The following BCL2L11 variants were observed in gnomAD, a reference collection of about 807,000 sequenced individuals.
BCL2L11 encodes BCL2 like 11.
A neutral mutation model predicts 20.6 loss-of-function variants in BCL2L11; 15 were observed. That is an observed-to-expected ratio of 0.73 (90% CI 0.49 to 1.12). The LOEUF (loss-of-function observed/expected upper bound fraction) is 1.12, where lower values mean the gene tolerates loss of function less well. BCL2L11 is among the 50% of genes most tolerant of loss of function. The pLI, the probability that BCL2L11 is intolerant of heterozygous loss-of-function variation, is 0.00. For missense variants in BCL2L11, 292 were observed against 260.9 expected (o/e 1.12, Z -0.82); for synonymous variants, 108 against 92.8 (o/e 1.16, Z -0.94).
intron 3 of BCL2L11, among the ~76,000 whole-genome samples, chr2:111,159,202 G>A (rs972894104): frequency 3.9e-5 from 6 of 152,208 alleles, no homozygotes; most frequent in Non-Finnish European, 5.9e-5. Context: ...GAAAGCCCTC[G>A]TTTAACTTCT....
chr2:111,161,671 G>A, intron 3 of BCL2L11: 1 of 1,181,026 alleles, frequency 8.5e-7, no homozygotes, highest in Non-Finnish European at 1.1e-6. Context: ...GCAATACAGG[G>A]ATTGTCATCT....
intron 2 of BCL2L11, among the ~76,000 whole-genome samples, chr2:111,148,933 G>A (rs1877331): frequency 0.58 from 87,996 of 152,126 alleles, 26,935 homozygotes; most frequent in African/African-American, 0.77. Flanking sequence ...CAAAAATAAA[G>A]ACAGGAAGTT....
chr2:111,161,672 A>AG, intron 3 of BCL2L11: 4 of 1,156,850 alleles, frequency 3.5e-6, no homozygotes, highest in South Asian at 1.6e-5. Context: ...CAATACAGGG[A>AG]TTGTCATCTT....
At chr2:111,144,593 A>C in intron 2 of BCL2L11, 1 of 1,453,202 alleles carries the variant, frequency 6.9e-7, no homozygotes, top group Non-Finnish European at 9.4e-7. Context: ...GATAACTCTG[A>C]ATTTAGAAAG....
chr2:111,140,787 C>T (rs1028185006), intron 2 of BCL2L11, among the ~76,000 whole-genome samples: 1 of 152,174 alleles, frequency 6.6e-6, no homozygotes, highest in African/African-American at 2.4e-5. Flanking sequence ...AAAACAACAA[C>T]TTAAGAAAAA....
chr2:111,164,256 C>A lies in BCL2L11; in HGVS notation c.*25C>A, dbSNP rs574625366. On this transcript the variant is annotated 3_prime_UTR_variant, in exon 4 of 4. Transcript: ENST00000393256. ...ACAGGTTCTTTGCGGAGCCGAGATA[C>A]CATGCAGACATTTTGCTTGTTCAAA... The A allele has an allele frequency of 3.1e-5, 47 of 1,529,314 alleles. No individual in the cohort carries two copies. The East Asian group carries it at 9.2e-4, about 30-fold the overall frequency. The allele number at this position is 1,529,314 out of a possible 1,614,324, so 94.7% of individuals were successfully genotyped here.
chr2:111,142,477 C>G (rs199583356), intron 2 of BCL2L11: 1 of 1,028,150 alleles, frequency 9.7e-7, no homozygotes, highest in East Asian at 2.6e-5. Flanking sequence ...TTCATTATGT[C>G]TTAGCCCTAC....
rs1403043547 is a variant in BCL2L11 at position 111,150,152 on chromosome 2, T to G, written c.498+5T>G. On this transcript the variant is annotated splice_donor_5th_base_variant and intron_variant, in intron 3 of 3. Coordinates refer to ENST00000393256, the MANE Select transcript of BCL2L11 (RefSeq NM_138621.5). ...AACGCTTACTATGCAAGGAGGGTAA[T>G]GATGTTTTCTTTACCCGCTTTTCTG... 3 of 1,613,016 alleles carry G rather than the reference T, an allele frequency of 1.9e-6. No homozygotes were observed. The highest frequency in any genetic ancestry group is 2.2e-5 in the East Asian group (1 of 44,856).
chr2:111,145,143 G>A (rs1448720513), intron 2 of BCL2L11, among the ~76,000 whole-genome samples: 1 of 152,164 alleles, frequency 6.6e-6, no homozygotes, highest in Non-Finnish European at 1.5e-5. Flanking sequence ...ATTTTAATTT[G>A]GTTTCTGGTA....
intron 3 of BCL2L11, among the ~76,000 whole-genome samples, chr2:111,156,652 G>T (rs181288211): frequency 6.6e-6 from 1 of 152,036 alleles, no homozygotes; most frequent in Non-Finnish European, 1.5e-5. Context: ...TCTGTTACTC[G>T]TTGAAGCCAG....
chr2:111,121,449 G>A (rs1261747505), intron 1 of BCL2L11, among the ~76,000 whole-genome samples: 8 of 152,246 alleles, frequency 5.3e-5, no homozygotes, highest in Non-Finnish European at 8.8e-5. Context: ...TGCTGCGCGC[G>A]GGCCTGGTGA....
intron 2 of BCL2L11, chr2:111,132,313 AAAAG>A (rs2150332691): frequency 6.6e-6 from 1 of 152,364 alleles, no homozygotes; most frequent in South Asian, 2.1e-4. Context: ...ATTATAATGA[AAAAG>A]AACATGAAGA....
chr2:111,163,254 C>G (rs532629789), intron 3 of BCL2L11: 2 of 152,282 alleles, frequency 1.3e-5, no homozygotes, highest in African/African-American at 4.8e-5. Context: ...GTAGCCCGGT[C>G]TCGTGTGGAT....
intron 2 of BCL2L11, among the ~76,000 whole-genome samples, chr2:111,147,503 G>A (rs1575117168): frequency 6.6e-6 from 1 of 152,092 alleles, no homozygotes; most frequent in Non-Finnish European, 1.5e-5. Flanking sequence ...CAGGCCATTC[G>A]TTTATTTGCT....
rs2072326097 is a variant in BCL2L11, at chr2:111,125,318, G to A, written c.394+1179G>A. ...TGGGTACATACTTTGGGTAACCTTGGTGAGGGGCTGAGTCTGTGTTGATCG... is the reference window on the plus strand; with the variant it reads ...TGGGTACATACTTTGGGTAACCTTGATGAGGGGCTGAGTCTGTGTTGATCG... On this transcript the variant is annotated intron_variant, in intron 2 of 3. Coordinates refer to ENST00000393256, the MANE Select transcript of BCL2L11 (RefSeq NM_138621.5). Among the ~76,000 whole-genome samples, 3 of 152,332 alleles carry A rather than the reference G, an allele frequency of 2.0e-5. No individual in the cohort carries two copies. The South Asian group carries it at 6.2e-4, about 32-fold the overall frequency.
At chr2:111,153,736 A>G in intron 3 of BCL2L11, 5 of 1,551,878 alleles carry the variant, frequency 3.2e-6, no homozygotes, top group Non-Finnish European at 4.4e-6. Flanking sequence ...TTTTATTGCC[A>G]CGAGCCTTGC....
chr2:111,161,542 C>T (rs1034867998), intron 3 of BCL2L11: 23 of 1,545,516 alleles, frequency 1.5e-5, no homozygotes, highest in East Asian at 1.2e-4. Flanking sequence ...GCTGATGATC[C>T]GCTTATGGGT....
intron 2 of BCL2L11, among the ~76,000 whole-genome samples, chr2:111,143,027 T>C (rs746823839): frequency 3.9e-5 from 6 of 152,182 alleles, no homozygotes; most frequent in Admixed American, 6.5e-5. Context: ...AGAAAAAATA[T>C]AGGGATTTGT....
At chr2:111,153,649 A>T in intron 3 of BCL2L11, 1 of 1,089,646 alleles carries the variant, frequency 9.2e-7, no homozygotes, top group South Asian at 1.5e-5. Context: ...CTGCTTTAGG[A>T]TGGATATTAA....
Sources: gnomAD v4.1 joint callset for allele counts (sites outside exome capture counted in the v4.1 genomes callset) on GRCh38, gnomAD v4.1.1 for gene constraint, MANE v1.5 for transcripts, NCBI Gene and HGNC (gene_info 2026-07-23, HGNC 2026-07-21) for gene names.